SMOX: variants seen among roughly 807,000 people sequenced by gnomAD.
SMOX encodes flavin containing amine oxidase.
Under a neutral mutation model 51.0 loss-of-function variants are expected in SMOX, and 22 were observed. The ratio of observed to expected loss-of-function variants is 0.43; its 90% CI spans 0.31 to 0.62. The LOEUF (loss-of-function observed/expected upper bound fraction) is 0.62, where lower values mean the gene tolerates loss of function less well. Ranked by LOEUF, SMOX falls within the 20% of genes least tolerant of loss-of-function variation. The pLI, the probability that SMOX is intolerant of heterozygous loss-of-function variation, is 0.10. For missense variants in SMOX, 566 were observed against 777.7 expected (o/e 0.73, Z 3.24); for synonymous variants, 282 against 307.8 (o/e 0.92, Z 0.88).
chr20:4,161,554 C>T (rs1425108984), intron 1 of SMOX, among the ~76,000 whole-genome samples: 2 of 152,202 alleles, frequency 1.3e-5, no homozygotes, highest in African/African-American at 4.8e-5. Context: ...GCCTGGTCAC[C>T]CAGGTCATGC....
intron 1 of SMOX, among the ~76,000 whole-genome samples, chr20:4,164,584 C>T (rs756248781): frequency 6.6e-6 from 1 of 152,090 alleles, no homozygotes; most frequent in Admixed American, 6.6e-5. Context: ...TAAGTTGGGT[C>T]GTCAAATGAA....
intron 1 of SMOX, among the ~76,000 whole-genome samples, chr20:4,155,125 C>G (rs1985948646): frequency 6.6e-6 from 1 of 152,168 alleles, no homozygotes. Context: ...GAGCCTGGCA[C>G]TGTGGGCAAC....
Position 4,187,442 on chromosome 20 carries a change from C to G in SMOX, c.*35C>G. The stretch of plus-strand genomic sequence containing the variant: ...TCGCTGCTGAGAAGAGCCACTAACT[C>G]GTGACCTCCAGCCTGCCCCTTGCTG... On this transcript the variant is annotated 3_prime_UTR_variant, in exon 7 of 7. Transcript: ENST00000305958. The surrounding 1 kb of genome is among the most constrained non-coding windows in gnomAD (Gnocchi z 4.8). 6.2e-7 allele frequency: 1 copy of G among 1,603,452 alleles called. No individual in the cohort carries two copies. The highest frequency in any genetic ancestry group is 8.5e-7 in the Non-Finnish European group (1 of 1,172,784).
At chr20:4,162,859 C>T (rs536284676) in intron 1 of SMOX, among the ~76,000 whole-genome samples, 9 of 152,290 alleles carry the variant, frequency 5.9e-5, no homozygotes, top group East Asian at 1.9e-4. Context: ...GCAGTCCCAG[C>T]GCAGAGGTTG....
rs1978486101 is a variant in SMOX, at chr20:4,172,562, G to A, written c.-26-2468G>A. Among the ~76,000 whole-genome samples, 1 of 152,044 alleles carries A rather than the reference G, an allele frequency of 6.6e-6. No homozygotes were observed. The highest frequency in any genetic ancestry group is 2.4e-5 in the African/African-American group (1 of 41,380). On this transcript the variant is annotated intron_variant, in intron 1 of 6. Transcript: ENST00000305958. This position sits in a 1 kb window ranked among gnomAD's most constrained non-coding sequence, Gnocchi z 7.7. ...GGGACGGGAGTCAGAGGACAGAGGC[G>A]GGGAGGAGGAAAGGGCCGGAGCCGC...
chr20:4,150,958 A>G (rs1241614750), intron 1 of SMOX, among the ~76,000 whole-genome samples: 1 of 151,386 alleles, frequency 6.6e-6, no homozygotes, highest in East Asian at 2.0e-4. Flanking sequence ...CAGCCTCCCA[A>G]GTAGCTGAGA....
chr20:4,183,159 G>A lies in SMOX; in HGVS notation c.1369+311G>A. Reference sequence around the variant, plus strand: ...GCTGGATTTGCCTTTTACTCTCTGAGTCTTTCAGCTCAACATTTTTCACCC... The same window carrying A: ...GCTGGATTTGCCTTTTACTCTCTGAATCTTTCAGCTCAACATTTTTCACCC... On this transcript the variant is annotated intron_variant, in intron 5 of 6. Coordinates refer to ENST00000305958, the MANE Select transcript of SMOX (RefSeq NM_175839.3). This position sits in a 1 kb window ranked among gnomAD's most constrained non-coding sequence, Gnocchi z 4.3. 1 of 568,776 alleles carries A rather than the reference G, an allele frequency of 1.8e-6. No homozygotes were observed. Among genetic ancestry groups the A allele is most frequent in the South Asian group, 2.1e-5 (1 of 47,028 alleles). The allele number at this position is 568,776 out of a possible 1,614,324, so 35.2% of individuals were successfully genotyped here.
chr20:4,174,895 G>A, intron 1 of SMOX, 135 bp from the exon 2 acceptor site: 1 of 792,294 alleles, frequency 1.3e-6, no homozygotes, highest in Non-Finnish European at 2.0e-6. Flanking sequence ...CAGGTCCTCA[G>A]AGAGGGAGGG....
intron 6 of SMOX, chr20:4,186,801 A>G (rs1235550853): frequency 1.3e-6 from 1 of 781,100 alleles, no homozygotes; most frequent in East Asian, 2.4e-5. Context: ...TGCCCAGAAC[A>G]GCCCCTGGAT....
rs1463309430 is a variant in SMOX at position 4,153,496 on chromosome 20, G to A, written c.-27+4519G>A. Among the ~76,000 whole-genome samples the A allele has an allele frequency of 2.0e-5, 3 of 152,138 alleles. No individual in the cohort carries two copies. The highest frequency in any genetic ancestry group is 6.5e-5 in the Admixed American group (1 of 15,284). The stretch of plus-strand genomic sequence containing the variant: ...CCTGGGAGGCTTTCCTGTTTGGCAC[G>A]AGGATGACTCTAGGCAGGTGACCTG... On this transcript the variant is annotated intron_variant, in intron 1 of 6. Transcript: ENST00000305958. The surrounding 1 kb of genome is among the most constrained non-coding windows in gnomAD (Gnocchi z 4.4).
intron 1 of SMOX, among the ~76,000 whole-genome samples, chr20:4,160,637 C>T (rs1231256197): frequency 2.0e-5 from 3 of 152,140 alleles, no homozygotes; most frequent in East Asian, 3.9e-4. Flanking sequence ...TCTGGTGACT[C>T]GATTTTTCTT....
Position 4,177,639 on chromosome 20 carries a change from C to T in SMOX, c.435+62C>T, listed in dbSNP as rs1978978334. On this transcript the variant is annotated intron_variant, in intron 3 of 6. Coordinates refer to ENST00000305958, the MANE Select transcript of SMOX (RefSeq NM_175839.3). This position sits in a 1 kb window ranked among gnomAD's most constrained non-coding sequence, Gnocchi z 4.3. The stretch of plus-strand genomic sequence containing the variant: ...GGGGAGACCTGGGAGGTCTGTGATT[C>T]TGGTCGTGTCTCTGCACACTCCCTG... The T allele has an allele frequency of 2.0e-6, 3 of 1,464,216 alleles. No homozygotes were observed. The highest frequency in any genetic ancestry group is 1.2e-5 in the South Asian group (1 of 81,128). The allele number at this position is 1,464,216 out of a possible 1,614,324, so 90.7% of individuals were successfully genotyped here. A position where few individuals can be genotyped will look rare whatever the true frequency, so the allele number is the denominator to read the frequency against.
chr20:4,186,021 G>A (rs567766643), intron 6 of SMOX, among the ~76,000 whole-genome samples: 154 of 152,274 alleles, frequency 1.0e-3, no homozygotes, highest in African/African-American at 3.4e-3. Flanking sequence ...CTGCATTCTG[G>A]CCAGGGATGC....
At chr20:4,152,578 A>C (rs1185319578) in intron 1 of SMOX, among the ~76,000 whole-genome samples, 3 of 151,864 alleles carry the variant, frequency 2.0e-5, no homozygotes, top group African/African-American at 7.3e-5. Context: ...AGTGGTCCAG[A>C]TCTGGGATGG....
chr20:4,155,739 G>A (rs925314320), intron 1 of SMOX, among the ~76,000 whole-genome samples: 4 of 152,094 alleles, frequency 2.6e-5, no homozygotes, highest in African/African-American at 9.7e-5. Flanking sequence ...GGCTCTACAT[G>A]GCCTGGGGTG....
intron 1 of SMOX, among the ~76,000 whole-genome samples, chr20:4,151,089 C>T (rs1251070983): frequency 6.6e-6 from 1 of 152,164 alleles, no homozygotes; most frequent in Non-Finnish European, 1.5e-5. Flanking sequence ...ATCTTGGCCT[C>T]CCAAAGTGCT....
Position 4,182,269 on chromosome 20 carries a change from A to C in SMOX, c.790A>C (p.Ile264Leu). 6.2e-7 allele frequency: 1 copy of C among 1,613,318 alleles called. No homozygotes were observed. Among genetic ancestry groups the C allele is most frequent in the Non-Finnish European group, 8.5e-7 (1 of 1,179,650 alleles). The change falls in exon 5 of 7, where the codon ATT (isoleucine) becomes CTT (leucine). Residue 264 changes from isoleucine to leucine, a missense_variant. This residue lies in a region of SMOX where 347 missense variants were observed against 481.8 expected (regional missense o/e 0.72). Transcript: ENST00000305958. The surrounding 1 kb of genome is among the most constrained non-coding windows in gnomAD (Gnocchi z 8.4). Reference protein sequence around the residue: ...VIQLGKPVRCIHWDQASARPR... With the variant: ...VIQLGKPVRCLHWDQASARPR... The stretch of plus-strand genomic sequence containing the variant: ...CCAGCTAGGGAAACCTGTCCGCTGC[A>C]TTCACTGGGACCAGGCCTCAGCCCG...
intron 1 of SMOX, among the ~76,000 whole-genome samples, chr20:4,169,088 C>T (rs1986711255): frequency 6.6e-6 from 1 of 152,080 alleles, no homozygotes. Flanking sequence ...GCTGGGGCTA[C>T]AGGTACATTT....
Position 4,183,572 on chromosome 20 carries a change from C to T in SMOX, c.1448C>T (p.Ser483Leu), listed in dbSNP as rs1162330172. ...GSNPYFRGSY[S>L]YTQVGSSGAD... Reference sequence around the variant, plus strand: ...AACCCTTACTTCCGCGGCTCCTATTCATACACGCAGGTGGGCTCCAGCGGG... The same window carrying T: ...AACCCTTACTTCCGCGGCTCCTATTTATACACGCAGGTGGGCTCCAGCGGG... Residue 483 changes from serine to leucine, a missense_variant, in exon 6 of 7, where the codon TCA becomes TTA. By Grantham distance (145) the Ser-to-Leu change is moderately radical. This residue lies in a region of SMOX where 347 missense variants were observed against 481.8 expected (regional missense o/e 0.72). Coordinates refer to ENST00000305958, the MANE Select transcript of SMOX (RefSeq NM_175839.3). The surrounding 1 kb of genome is among the most constrained non-coding windows in gnomAD (Gnocchi z 4.3). 1 of 1,613,596 alleles carries T rather than the reference C, an allele frequency of 6.2e-7. No individual in the cohort carries two copies.
Sources: allele counts gnomAD v4.1 joint callset (sites outside exome capture counted in the v4.1 genomes callset), GRCh38; gene constraint gnomAD v4.1.1; regional missense constraint gnomAD v4.1.1; non-coding constraint Gnocchi (gnomAD v3.1); transcripts MANE v1.5; gene names NCBI Gene and HGNC (gene_info 2026-07-23, HGNC 2026-07-21).